Variants in PLAUR observed in about 807,000 individuals in gnomAD.
PLAUR encodes the protein plasminogen activator, urokinase receptor, also known as urokinase plasminogen activator surface receptor.
In PLAUR, 22 loss-of-function variants were observed where a neutral mutation model predicts 33.4. The observed-to-expected ratio is 0.66, with a 90% CI of 0.47 to 0.94. The LOEUF (loss-of-function observed/expected upper bound fraction) is 0.94. Among genes scored for constraint, PLAUR ranks in the 40% least tolerant of loss-of-function variants. The probability of loss-of-function intolerance (pLI) is 0.00; values close to 1 mark genes in which losing one functional copy is unlikely to be tolerated. For missense variants in PLAUR, 408 were observed against 434.7 expected (o/e 0.94, Z 0.55); for synonymous variants, 148 against 167.3 (o/e 0.88, Z 0.89).
intron 1 of PLAUR, chr19:43,668,434 C>A (rs1463304404): frequency 6.1e-6 from 2 of 326,124 alleles, no homozygotes; most frequent in Non-Finnish European, 8.8e-6. Context: ...AACCCCGCCC[C>A]TAGCTCCTCC....
At chr19:43,659,566 T>C (rs1974356493) in intron 3 of PLAUR, among the ~76,000 whole-genome samples, 1 of 152,118 alleles carries the variant, frequency 6.6e-6, no homozygotes, top group East Asian at 1.9e-4. Flanking sequence ...CTCTCTCTAG[T>C]CTAGACTTCT....
rs1172013723 is a variant in PLAUR at position 43,649,034 on chromosome 19, AC to A, written c.863del (p.Cys288LeufsTer35). 6.2e-7 allele frequency: 1 copy of A among 1,614,102 alleles called. No individual in the cohort carries two copies. The highest frequency in any genetic ancestry group is 1.3e-5 in the African/African-American group (1 of 74,932). On this transcript the variant is annotated frameshift_variant, in exon 7 of 7. Coordinates refer to ENST00000340093, the MANE Select transcript of PLAUR (RefSeq NM_002659.4). LOFTEE classifies it low-confidence loss of function (END_TRUNC). ...FSMNHIDVSC[C>X]TKSGCNHPDL... ...CTGGGTGGTTACAGCCACTTTTAGT[AC>A]AGCAGGAGACATCAATGTGGTTCAT...
chr19:43,649,626 A>G lies in PLAUR; in HGVS notation c.755-483T>C, dbSNP rs201514593. On this transcript the variant is annotated intron_variant, in intron 6 of 6. Coordinates refer to ENST00000340093, the MANE Select transcript of PLAUR (RefSeq NM_002659.4). ...GGAGGAAGGGAAGAAGGGAAAGAAA[A>G]GAAAGAAAGAGAGAGAGAGGGAGGA... 3.5e-4 allele frequency among the ~76,000 whole-genome samples: 40 copies of G among 115,378 alleles called. 1 individual carries two copies. The highest frequency in any genetic ancestry group is 1.2e-3 in the African/African-American group (40 of 33,204). 75.7% of individuals were successfully genotyped at this position (115,378 alleles called of 152,430 possible). A position where few individuals can be genotyped will look rare whatever the true frequency, so the allele number is the denominator to read the frequency against.
At chr19:43,657,021 G>A (rs1974243966) in intron 3 of PLAUR, among the ~76,000 whole-genome samples, 1 of 148,338 alleles carries the variant, frequency 6.7e-6, no homozygotes, top group African/African-American at 2.5e-5. Context: ...TTGGCTCACT[G>A]CAACCTCCAC....
chr19:43,657,731 C>G (rs1443366132), intron 3 of PLAUR, among the ~76,000 whole-genome samples: 1 of 152,228 alleles, frequency 6.6e-6, no homozygotes, highest in Non-Finnish European at 1.5e-5. Flanking sequence ...CTGTCTTGAT[C>G]ACTACTGTGT....
At chr19:43,667,255 G>A in intron 2 of PLAUR, 1 of 380,612 alleles carries the variant, frequency 2.6e-6, no homozygotes, top group Middle Eastern at 7.7e-4. Context: ...GGTATATGTG[G>A]CCAAGGTTCT....
chr19:43,668,744 G>A (rs542169432), intron 1 of PLAUR, among the ~76,000 whole-genome samples: 42 of 144,490 alleles, frequency 2.9e-4, no homozygotes, highest in African/African-American at 1.0e-3. Context: ...CAAGAGTCTA[G>A]TCCCACCTTC....
At chr19:43,667,906 C>T in intron 1 of PLAUR, 2 of 1,398,586 alleles carry the variant, frequency 1.4e-6, no homozygotes, top group South Asian at 1.6e-5. Flanking sequence ...CTATCCCTGC[C>T]CACAAGTCCT....
At position 43,652,298 on chromosome 19, in the gene PLAUR, G is replaced by A. The variant is rs1372797498; in HGVS notation, c.681C>T (p.Cys227=). ...CAATGAGGAAAGTCTCTTCAGAGGA[G>A]CATCCATGGGTGCTGTTCCCCTTGC... The part of the protein sequence containing the change: ...YSCKGNSTHG[C]SSEETFLIDC... The change falls in exon 6 of 7, where the codon TGC becomes TGT. Residue 227 remains cysteine, a synonymous_variant. Transcript: ENST00000340093. 1.9e-6 allele frequency: 3 copies of A among 1,614,092 alleles called. No individual in the cohort carries two copies. Among genetic ancestry groups the A allele is most frequent in the Non-Finnish European group, 2.5e-6 (3 of 1,179,942 alleles).
chr19:43,655,020 T>C (rs1333616921), intron 5 of PLAUR, among the ~76,000 whole-genome samples: 1 of 152,006 alleles, frequency 6.6e-6, no homozygotes, highest in Non-Finnish European at 1.5e-5. Context: ...TCATGCCTGT[T>C]ACCCCAGCAC....
At chr19:43,652,602 G>A (rs190393915) in intron 5 of PLAUR, among the ~76,000 whole-genome samples, 1 of 152,236 alleles carries the variant, frequency 6.6e-6, no homozygotes, top group East Asian at 1.9e-4. Flanking sequence ...GCTGGGTGCT[G>A]GGTAAAACTA....
chr19:43,650,427 G>A (rs1973950881), intron 6 of PLAUR, among the ~76,000 whole-genome samples: 1 of 151,418 alleles, frequency 6.6e-6, no homozygotes, highest in Non-Finnish European at 1.5e-5. Context: ...CCAGGCTCAA[G>A]TGACCCTCCC....
chr19:43,651,117 T>C (rs2146200867), intron 6 of PLAUR, among the ~76,000 whole-genome samples: 2 of 152,120 alleles, frequency 1.3e-5, no homozygotes, highest in East Asian at 3.9e-4. Flanking sequence ...TCACTCTTGT[T>C]GCCCAGGCTG....
At chr19:43,665,573 T>A in intron 2 of PLAUR, 114 bp from the exon 3 acceptor site, 1 of 1,050,142 alleles carries the variant, frequency 9.5e-7, no homozygotes, top group Non-Finnish European at 1.4e-6. Flanking sequence ...AGGCCTCTTC[T>A]GTTATTTGAG....
intron 5 of PLAUR, among the ~76,000 whole-genome samples, chr19:43,654,047 C>T (rs1024468492): frequency 4.6e-5 from 7 of 151,900 alleles, no homozygotes; most frequent in African/African-American, 9.7e-5. Flanking sequence ...TGGCGTGAAC[C>T]CGGGAGGCGG....
rs1974220908 is a variant in PLAUR, at chr19:43,656,570, A to G, written c.381T>C (p.Cys127=). The G allele has an allele frequency of 1.2e-6, 2 of 1,612,984 alleles. No individual in the cohort carries two copies. Among genetic ancestry groups the G allele is most frequent in the East Asian group, 4.5e-5 (2 of 44,826 alleles). Residue 127 remains cysteine, a synonymous_variant, in exon 4 of 7, where the codon TGT becomes TGC. Transcript: ENST00000340093. ...GCAGGCTCTGGTGCCGGCCCCTCTC[A>G]CAGCTCATGTCTGATGAGCCACAGG... ...CISCGSSDMS[C]ERGRHQSLQC... is the part of the protein sequence containing the mutation.
chr19:43,649,430 C>T (rs1296414274), intron 6 of PLAUR, among the ~76,000 whole-genome samples: 1 of 152,010 alleles, frequency 6.6e-6, no homozygotes, highest in Non-Finnish European at 1.5e-5. Flanking sequence ...GTCCCAGCTA[C>T]TTGGGAGGCT....
At position 43,670,150 on chromosome 19, in the gene PLAUR, C is replaced by T. The variant is rs924480029; in HGVS notation, c.-30G>A. 1 of 1,604,736 alleles carries T rather than the reference C, an allele frequency of 6.2e-7. No individual in the cohort carries two copies. Among genetic ancestry groups the T allele is most frequent in the Non-Finnish European group, 8.5e-7 (1 of 1,176,138 alleles). ...CGAGGGCAGCTCCTGTGCGCGGGGT[C>T]CCTGCACGTCTTCTCTCCTTCTGGC... On this transcript the variant is annotated 5_prime_UTR_variant, in exon 1 of 7. Coordinates refer to ENST00000340093, the MANE Select transcript of PLAUR (RefSeq NM_002659.4).
At position 43,667,562 on chromosome 19, in the gene PLAUR, GGGT is replaced by G; in HGVS notation, c.166+16_166+18del. 7.1e-6 allele frequency: 11 copies of G among 1,554,280 alleles called. No individual in the cohort carries two copies. Among genetic ancestry groups the G allele is most frequent in the Non-Finnish European group, 9.8e-6 (11 of 1,125,852 alleles). Reference sequence around the variant, plus strand: ...TCCATGCTGCGCTGGAGGGGTGTGTGGGTTGGGGGGAAGCTCACCTTCCCACAA... The same window carrying G: ...TCCATGCTGCGCTGGAGGGGTGTGTGTGGGGGGAAGCTCACCTTCCCACAA... On this transcript the variant is annotated intron_variant, in intron 2 of 6. Transcript: ENST00000340093.
Sources: gnomAD v4.1 joint callset for allele counts (sites outside exome capture counted in the v4.1 genomes callset) on GRCh38, gnomAD v4.1.1 for gene constraint, MANE v1.5 for transcripts, NCBI Gene and HGNC (gene_info 2026-07-23, HGNC 2026-07-21) for gene names.